CADM2: variants seen among roughly 807,000 people sequenced by gnomAD.
The protein encoded by CADM2 is immunoglobulin superfamily member 4D.
Under a neutral mutation model 49.8 loss-of-function variants are expected in CADM2, and 12 were observed. The observed-to-expected ratio is 0.24, with a 90% CI of 0.15 to 0.39. CADM2 has a LOEUF of 0.39. CADM2 is among the 10% of genes least tolerant of loss of function. The pLI is 1.00. For synonymous variants in CADM2, 214 were observed against 175.4 expected, an observed-to-expected ratio of 1.22 and a Z score of -1.74; for missense variants, 378 against 492.3, an observed-to-expected ratio of 0.77 and a Z score of 2.20.
At chr3:85,340,174 TA>T (rs1385100046) in intron 1 of CADM2, among the ~76,000 whole-genome samples, 1 of 151,484 alleles carries the variant, frequency 6.6e-6, no homozygotes, top group African/African-American at 2.4e-5. Flanking sequence ...ATTGCATACT[TA>T]AAAAAGCATT....
intron 8 of CADM2, among the ~76,000 whole-genome samples, chr3:85,978,573 T>C (rs559172147): frequency 1.3e-5 from 2 of 151,658 alleles, no homozygotes; most frequent in Non-Finnish European, 1.5e-5. Flanking sequence ...GACTCTAAAC[T>C]GTGCATTAAC....
chr3:85,997,480 A>C (rs1729573979), intron 8 of CADM2, among the ~76,000 whole-genome samples: 1 of 152,136 alleles, frequency 6.6e-6, no homozygotes, highest in Non-Finnish European at 1.5e-5. Context: ...ACTGGCCACA[A>C]ATCATTGATT....
intron 2 of CADM2, among the ~76,000 whole-genome samples, chr3:85,748,555 A>G (rs1197001888): frequency 1.3e-5 from 2 of 152,054 alleles, no homozygotes; most frequent in Non-Finnish European, 2.9e-5. Flanking sequence ...AATAGGATGG[A>G]GAAGACTGGA....
chr3:85,279,556 G>C (rs1386194641), intron 1 of CADM2, among the ~76,000 whole-genome samples: 1 of 150,994 alleles, frequency 6.6e-6, no homozygotes. Flanking sequence ...CTTTATTCCT[G>C]CATGTTTTTA....
chr3:85,059,859 C>T (rs149198428), intron 1 of CADM2, among the ~76,000 whole-genome samples: 2 of 152,216 alleles, frequency 1.3e-5, no homozygotes, highest in African/African-American at 2.4e-5. Flanking sequence ...TTATAAGCAG[C>T]GTGAACATGG....
chr3:85,267,073 A>T (rs1354361355), intron 1 of CADM2, among the ~76,000 whole-genome samples: 1 of 151,914 alleles, frequency 6.6e-6, no homozygotes, highest in African/African-American at 2.4e-5. Context: ...CCAAAATGTT[A>T]TGAATAAATT....
intron 1 of CADM2, among the ~76,000 whole-genome samples, chr3:85,695,381 C>T (rs1318641998): frequency 6.6e-6 from 1 of 151,956 alleles, no homozygotes; most frequent in African/African-American, 2.4e-5. Context: ...CCTTTGTATG[C>T]CCTTGCTTAC....
chr3:85,547,409 T>C (rs2061694239), intron 1 of CADM2, among the ~76,000 whole-genome samples: 1 of 152,212 alleles, frequency 6.6e-6, no homozygotes. Flanking sequence ...TAAGCTGTAA[T>C]TACATATTGA....
In CADM2 at chr3:85,603,728, G is replaced by A. The variant is rs543101273; in HGVS notation, c.62-122794G>A. ...ACCTTGAGAAGTTGAATTTCAAGCCGTATACTTAAATATATAATTTAAAAG... is the reference window on the plus strand; with the variant it reads ...ACCTTGAGAAGTTGAATTTCAAGCCATATACTTAAATATATAATTTAAAAG... On this transcript the variant is annotated intron_variant, in intron 1 of 9. Transcript: ENST00000383699. 7.2e-5 allele frequency among the ~76,000 whole-genome samples: 11 copies of A among 151,884 alleles called. No homozygotes were observed. In the East Asian group the frequency reaches 2.1e-3, roughly 29 times the overall value.
intron 2 of CADM2, among the ~76,000 whole-genome samples, chr3:85,761,367 CT>C (rs529447125): frequency 0.033 from 3,306 of 101,020 alleles, 27 homozygotes; most frequent in African/African-American, 0.1. Flanking sequence ...CAACACAAAA[CT>C]TTTTTTTTTT....
chr3:85,102,431 T>C (rs1222908831), intron 1 of CADM2, among the ~76,000 whole-genome samples: 3 of 152,186 alleles, frequency 2.0e-5, no homozygotes, highest in Non-Finnish European at 4.4e-5. Flanking sequence ...TGATGTTTAA[T>C]ATACATAATC....
intron 1 of CADM2, among the ~76,000 whole-genome samples, chr3:85,634,458 A>G (rs2064400485): frequency 6.6e-6 from 1 of 151,892 alleles, no homozygotes; most frequent in Non-Finnish European, 1.5e-5. Flanking sequence ...ATATAATTGA[A>G]CCTAATTGCT....
intron 1 of CADM2, among the ~76,000 whole-genome samples, chr3:85,450,811 T>C (rs1476685815): frequency 1.3e-5 from 2 of 152,016 alleles, no homozygotes; most frequent in African/African-American, 4.8e-5. Context: ...GAAATTTGTC[T>C]AACCAGAAAA....
chr3:85,330,418 ATGT>A (rs2044884685), intron 1 of CADM2, among the ~76,000 whole-genome samples: 1 of 152,162 alleles, frequency 6.6e-6, no homozygotes, highest in Non-Finnish European at 1.5e-5. Context: ...AAATTTTAAA[ATGT>A]TTTAAAAGTA....
chr3:85,651,822 C>CTT (rs201326377), intron 1 of CADM2, among the ~76,000 whole-genome samples: 45 of 140,496 alleles, frequency 3.2e-4, no homozygotes, highest in East Asian at 1.2e-3. Context: ...TTGTTTTTTT[C>CTT]TTTTTTTTTT....
chr3:85,689,449 T>C (rs938922583), intron 1 of CADM2, among the ~76,000 whole-genome samples: 1 of 152,258 alleles, frequency 6.6e-6, no homozygotes, highest in Non-Finnish European at 1.5e-5. Context: ...TTTTACATTT[T>C]ATATGCAATA....
chr3:85,821,177 A>G (rs1283619798), intron 3 of CADM2, among the ~76,000 whole-genome samples: 2 of 152,168 alleles, frequency 1.3e-5, no homozygotes, highest in Non-Finnish European at 2.9e-5. Context: ...TCCTTCAAGC[A>G]TGCTTTACCT....
chr3:85,685,630 T>G (rs144448066), intron 1 of CADM2, among the ~76,000 whole-genome samples: 1,856 of 147,180 alleles, frequency 0.013, 15 homozygotes, highest in Non-Finnish European at 0.021. Flanking sequence ...TTTTTTTTTT[T>G]TTTTTGTTTT....
At chr3:85,065,870 C>T (rs766919898) in intron 1 of CADM2, among the ~76,000 whole-genome samples, 3 of 152,076 alleles carry the variant, frequency 2.0e-5, no homozygotes, top group Non-Finnish European at 2.9e-5. Context: ...TAATGATTAA[C>T]CTTCAACAAT....
Sources: gnomAD v4.1 joint callset for allele counts (sites outside exome capture counted in the v4.1 genomes callset) on GRCh38, gnomAD v4.1.1 for gene constraint, MANE v1.5 for transcripts, NCBI Gene and HGNC (gene_info 2026-07-23, HGNC 2026-07-21) for gene names.